ATP2B1: variants seen among roughly 807,000 people sequenced by gnomAD.
ATP2B1 encodes the protein ATPase plasma membrane Ca2+ transporting 1.
ATP2B1 carries 14 observed loss-of-function variants against 124.2 expected under a neutral mutation model. The ratio of observed to expected loss-of-function variants is 0.11; its 90% CI spans 0.07 to 0.18. The LOEUF (loss-of-function observed/expected upper bound fraction) is 0.18. Among genes scored for constraint, ATP2B1 ranks in the 10% least tolerant of loss-of-function variants. ATP2B1 has a pLI of 1.00. For synonymous variants in ATP2B1, 449 were observed against 492.4 expected (o/e 0.91, Z 1.17); for missense variants, 763 against 1,466.1 (o/e 0.52, Z 7.83).
intron 5 of ATP2B1, among the ~76,000 whole-genome samples, chr12:89,632,205 C>T (rs911436051): frequency 6.6e-6 from 1 of 151,914 alleles, no homozygotes; most frequent in Non-Finnish European, 1.5e-5. Context: ...TCTTCTGGAG[C>T]ACAGTGAACA....
chr12:89,631,006 A>C (rs1177066180), intron 5 of ATP2B1, among the ~76,000 whole-genome samples: 1 of 151,980 alleles, frequency 6.6e-6, no homozygotes, highest in Non-Finnish European at 1.5e-5. Flanking sequence ...TCCTGGGCTC[A>C]AGCAATCCTC....
intron 1 of ATP2B1, among the ~76,000 whole-genome samples, chr12:89,689,749 T>A (rs1418080322): frequency 6.6e-6 from 1 of 152,140 alleles, no homozygotes; most frequent in Non-Finnish European, 1.5e-5. Flanking sequence ...GGGAGATACC[T>A]TTTGTATCCT....
intron 5 of ATP2B1, among the ~76,000 whole-genome samples, chr12:89,632,769 T>C (rs1278886525): frequency 6.6e-6 from 1 of 152,194 alleles, no homozygotes; most frequent in East Asian, 1.9e-4. Context: ...CAGAAAAACT[T>C]TCCCACCCAT....
chr12:89,648,588 T>G (rs1284054034), intron 2 of ATP2B1, among the ~76,000 whole-genome samples: 1 of 152,004 alleles, frequency 6.6e-6, no homozygotes. Flanking sequence ...AAGCAGAGGG[T>G]AAAGTCTGGA....
At chr12:89,591,337 TAAC>T (rs761652063) in intron 20 of ATP2B1, 42 bp from the exon 21 acceptor site, 2 of 1,519,548 alleles carry the variant, frequency 1.3e-6, no homozygotes, top group Non-Finnish European at 1.8e-6. Context: ...AGTACACTAT[TAAC>T]AACTTAAAAA....
At chr12:89,642,049 G>T in intron 3 of ATP2B1, 109 bp downstream of exon 3, 4 of 1,093,364 alleles carry the variant, frequency 3.7e-6, no homozygotes, top group South Asian at 1.5e-5. Flanking sequence ...ACAGTGCCTA[G>T]CACATAGCAA....
At chr12:89,647,963 G>T (rs1230848471) in intron 2 of ATP2B1, among the ~76,000 whole-genome samples, 5 of 152,166 alleles carry the variant, frequency 3.3e-5, no homozygotes, top group Admixed American at 2.6e-4. Context: ...AGCACTCTGA[G>T]ACATCCCTAG....
chr12:89,660,232 G>A (rs1479338236), intron 1 of ATP2B1, among the ~76,000 whole-genome samples: 1 of 152,110 alleles, frequency 6.6e-6, no homozygotes, highest in Non-Finnish European at 1.5e-5. Context: ...GAAATTTGAA[G>A]ACCTAGAAGT....
intron 1 of ATP2B1, among the ~76,000 whole-genome samples, chr12:89,704,476 T>C (rs1892214047): frequency 6.6e-6 from 1 of 152,146 alleles, no homozygotes; most frequent in Non-Finnish European, 1.5e-5. Flanking sequence ...ATACATAACT[T>C]TCATAAACTT....
rs1275155891 is a variant in ATP2B1, at chr12:89,621,655, T to C, written c.1481A>G (p.Glu494Gly). 6.2e-7 allele frequency: 1 copy of C among 1,612,340 alleles called. No homozygotes were observed. Among genetic ancestry groups the C allele is most frequent in the Non-Finnish European group, 8.5e-7 (1 of 1,178,980 alleles). The stretch of plus-strand genomic sequence containing the variant: ...TTCAGGAACCTTTTTATAATGTTTT[T>C]CATTTATGTAAGCTTGAACGACTGT... ...RMTVVQAYIN[E>G]KHYKKVPEPE... Residue 494 changes from glutamate (E) to glycine (G), a missense_variant, in exon 10 of 21, where the codon GAA (glutamate) becomes GGA (glycine). Physicochemically the swap from Glu to Gly is moderately conservative, Grantham distance 98 (BLOSUM62 -2). Around this residue, in one of 7 missense-constraint regions of ATP2B1, gnomAD observed 392 missense variants for 776.6 expected, o/e 0.50. Coordinates refer to ENST00000428670, the MANE Select transcript of ATP2B1 (RefSeq NM_001366521.1).
In ATP2B1 at chr12:89,640,316, T is replaced by C. The variant is rs527802389; in HGVS notation, c.406+1842A>G. ...TTTAGCTCAACAGTGACAAGAATAT[T>C]GTCTAAGCCTCTCCTTATCTATAGT... On this transcript the variant is annotated intron_variant, in intron 3 of 20. Coordinates refer to ENST00000428670, the MANE Select transcript of ATP2B1 (RefSeq NM_001366521.1). Among the ~76,000 whole-genome samples, 7 of 152,314 alleles carry C rather than the reference T, an allele frequency of 4.6e-5. No individual in the cohort carries two copies. The East Asian group carries it at 1.2e-3, about 25-fold the overall frequency.
chr12:89,664,737 AG>A (rs1457767963), intron 1 of ATP2B1, among the ~76,000 whole-genome samples: 3 of 152,228 alleles, frequency 2.0e-5, no homozygotes, highest in African/African-American at 7.2e-5. Context: ...CACTACTGAC[AG>A]AAAGTGTAGC....
chr12:89,683,809 T>C (rs1312168646), intron 1 of ATP2B1, among the ~76,000 whole-genome samples: 1 of 152,210 alleles, frequency 6.6e-6, no homozygotes, highest in Non-Finnish European at 1.5e-5. Context: ...TAAAACTATA[T>C]ATTAATTTAC....
rs1873466108 is a variant in ATP2B1, at chr12:89,591,084, T to C, written c.3563A>G (p.Asn1188Ser). The C allele has an allele frequency of 6.2e-7, 1 of 1,613,204 alleles. No individual in the cohort carries two copies. The highest frequency in any genetic ancestry group is 8.5e-7 in the Non-Finnish European group (1 of 1,179,352). ...SPPPSPNKNN[N>S]AVDSGIHLTI... ...AAGGTGAATTCCACTGTCAACAGCA[T>C]TGTTATTTTTGTTGGGAGAGGGTGG... Residue 1188 changes from asparagine (N) to serine (S), a missense_variant, in exon 21 of 21, where the codon AAT becomes AGT. By Grantham distance (46) the Asn-to-Ser change is conservative. Coordinates refer to ENST00000428670, the MANE Select transcript of ATP2B1 (RefSeq NM_001366521.1).
chr12:89,670,323 GATT>G (rs1434227451), intron 1 of ATP2B1, among the ~76,000 whole-genome samples: 3 of 149,250 alleles, frequency 2.0e-5, no homozygotes, highest in Non-Finnish European at 4.4e-5. Context: ...AATAAATACA[GATT>G]ATTTCCTAAA....
intron 18 of ATP2B1, 56 bp from the exon 19 acceptor site, chr12:89,601,489 A>C (rs1022558795): frequency 4.9e-5 from 54 of 1,105,592 alleles, no homozygotes; most frequent in Admixed American, 1.1e-4. Context: ...AAATTCATAT[A>C]CTTAAAAAAA....
chr12:89,700,942 T>A (rs1414964599), intron 1 of ATP2B1, among the ~76,000 whole-genome samples: 4 of 152,218 alleles, frequency 2.6e-5, no homozygotes, highest in African/African-American at 4.8e-5. Context: ...CAAGCATTTT[T>A]AAATATAACA....
chr12:89,614,913 T>C (rs1878692282), intron 12 of ATP2B1, among the ~76,000 whole-genome samples: 1 of 152,164 alleles, frequency 6.6e-6, no homozygotes, highest in Admixed American at 6.5e-5. Flanking sequence ...ATAATCTCAT[T>C]AGCTTCCCTG....
intron 20 of ATP2B1, among the ~76,000 whole-genome samples, chr12:89,598,057 A>AAAAAAAAAAAC (rs1875028366): frequency 2.7e-5 from 4 of 150,660 alleles, no homozygotes; most frequent in African/African-American, 4.9e-5. Flanking sequence ...AAAAAAAAAA[A>AAAAAAAAAAAC]AAAAAATCAA....
Sources: gnomAD v4.1 joint callset for allele counts (sites outside exome capture counted in the v4.1 genomes callset) on GRCh38, gnomAD v4.1.1 for gene constraint, gnomAD v4.1.1 regional missense constraint, MANE v1.5 for transcripts, NCBI Gene and HGNC (gene_info 2026-07-23, HGNC 2026-07-21) for gene names.